COL18A1: variants seen among roughly 807,000 people sequenced by gnomAD.
COL18A1 encodes collagen type XVIII alpha 1 chain, also known as collagen alpha-1(XVIII) chain.
Under a neutral mutation model 168.0 loss-of-function variants are expected in COL18A1, and 133 were observed. That is an observed-to-expected ratio of 0.79 (90% CI 0.69 to 0.91). COL18A1 has a LOEUF of 0.91. COL18A1 is among the 40% of genes least tolerant of loss of function. COL18A1 has a pLI of 0.00. For missense variants in COL18A1, 2,126 were observed against 1,925.4 expected, an observed-to-expected ratio of 1.10 and a Z score of -1.95; for synonymous variants, 949 against 809.0, an observed-to-expected ratio of 1.17 and a Z score of -2.94.
At chr21:45,465,254 C>T (rs1339428800) in intron 2 of COL18A1, among the ~76,000 whole-genome samples, 2 of 152,216 alleles carry the variant, frequency 1.3e-5, no homozygotes, top group Non-Finnish European at 2.9e-5. Flanking sequence ...AGCCACCCCA[C>T]CTGTGCCTGG....
At chr21:45,447,048 G>C (rs536980945) in intron 2 of COL18A1, among the ~76,000 whole-genome samples, 31 of 152,302 alleles carry the variant, frequency 2.0e-4, no homozygotes, top group Admixed American at 1.2e-3. Context: ...TTCCTCCTAA[G>C]ATCAGGAGCA....
chr21:45,486,708 G>A (rs1199089481), intron 15 of COL18A1, 153 bp from the exon 16 acceptor site: 5 of 765,806 alleles, frequency 6.5e-6, no homozygotes, highest in Admixed American at 2.9e-5. Context: ...TTAGAAGAAA[G>A]GCTGCTGTGG....
intron 2 of COL18A1, among the ~76,000 whole-genome samples, chr21:45,453,556 C>T (rs774027738): frequency 2.0e-4 from 31 of 152,288 alleles, no homozygotes; most frequent in Middle Eastern, 6.8e-3. Context: ...ACTAGGATTT[C>T]CAGGAGGTTA....
intron 40 of COL18A1, among the ~76,000 whole-genome samples, chr21:45,510,573 C>T (rs1039549964): frequency 2.9e-4 from 44 of 152,192 alleles, no homozygotes; most frequent in Admixed American, 7.2e-4. Flanking sequence ...AGTGTCCACA[C>T]AGGTGATAGG....
intron 2 of COL18A1, among the ~76,000 whole-genome samples, chr21:45,458,730 G>A (rs1479307123): frequency 6.6e-6 from 1 of 152,256 alleles, no homozygotes; most frequent in Non-Finnish European, 1.5e-5. Flanking sequence ...CACGGAGGCA[G>A]ACAGGACAGC....
chr21:45,450,234 G>T (rs2034591012), intron 2 of COL18A1, among the ~76,000 whole-genome samples: 2 of 152,158 alleles, frequency 1.3e-5, no homozygotes, highest in Non-Finnish European at 2.9e-5. Context: ...GGACATTCTG[G>T]GCTCGGGCGA....
intron 32 of COL18A1, among the ~76,000 whole-genome samples, chr21:45,500,074 G>C (rs1258435736): frequency 7.0e-6 from 1 of 142,120 alleles, no homozygotes; most frequent in Non-Finnish European, 1.5e-5. Context: ...GTGTGGGTTT[G>C]GGTGTGTGTG....
At chr21:45,511,286 C>T (rs372572728) in intron 41 of COL18A1, 60 bp downstream of exon 41, 88 of 909,130 alleles carry the variant, frequency 9.7e-5, no homozygotes, top group East Asian at 2.6e-4. Flanking sequence ...GGCGGGCGGG[C>T]GGGCTCCTAT....
Position 45,511,067 on chromosome 21 carries a change from C to T in COL18A1, c.3694-44C>T, listed in dbSNP as rs369310776. On this transcript the variant is annotated intron_variant, in intron 40 of 41. Coordinates refer to ENST00000651438, the MANE Select transcript of COL18A1 (RefSeq NM_001379500.1). ...CCCCACAAACACCCACACCCATCCACACCCCCACACACCACACACACATAC... is the reference window on the plus strand; with the variant it reads ...CCCCACAAACACCCACACCCATCCATACCCCCACACACCACACACACATAC... 33 of 869,510 alleles carry T rather than the reference C, an allele frequency of 3.8e-5. 2 individuals are homozygous for T. Among genetic ancestry groups the T allele is most frequent in the Admixed American group, 7.2e-5 (3 of 41,464 alleles). 53.9% of individuals were successfully genotyped at this position (869,510 alleles called of 1,614,324 possible). A position where few individuals can be genotyped will look rare whatever the true frequency, so the allele number is the denominator to read the frequency against.
chr21:45,482,353 G>A (rs1158361839), intron 14 of COL18A1: 2 of 681,366 alleles, frequency 2.9e-6, no homozygotes, highest in South Asian at 2.8e-5. Context: ...AAGGAGCCGG[G>A]GCCCCAGGCG....
chr21:45,453,070 G>C (rs1192693583), intron 2 of COL18A1, among the ~76,000 whole-genome samples: 1 of 152,192 alleles, frequency 6.6e-6, no homozygotes, highest in East Asian at 1.9e-4. Flanking sequence ...GTGTGAGCTT[G>C]TGTATGCATG....
Position 45,498,427 on chromosome 21 carries a change from CGGTCCCCTCTCGCCGCCAG to C in COL18A1, c.2683+785_2683+803del, listed in dbSNP as rs767324140. ...CCGCCAGGGTCCCCTCTCGCCGCCACGGTCCCCTCTCGCCGCCAGGGTCCCCTCTCGCCGCCACGGTCCC... is the reference window on the plus strand; with the variant it reads ...CCGCCAGGGTCCCCTCTCGCCGCCACGGTCCCCTCTCGCCGCCACGGTCCC... On this transcript the variant is annotated intron_variant, in intron 32 of 41. Coordinates refer to ENST00000651438, the MANE Select transcript of COL18A1 (RefSeq NM_001379500.1). This position sits in a 1 kb window ranked among gnomAD's most constrained non-coding sequence, Gnocchi z 4.5. 52 of 647,404 alleles carry C rather than the reference CGGTCCCCTCTCGCCGCCAG, an allele frequency of 8.0e-5. 1 individual carries two copies. The highest frequency in any genetic ancestry group is 3.8e-4 in the South Asian group (25 of 65,474). 40.1% of individuals were successfully genotyped at this position (647,404 alleles called of 1,614,324 possible).
intron 2 of COL18A1, among the ~76,000 whole-genome samples, chr21:45,421,981 ACT>A (rs1197955487): frequency 6.6e-6 from 1 of 151,664 alleles, no homozygotes; most frequent in African/African-American, 2.4e-5. Flanking sequence ...ATGCCAACAC[ACT>A]CACACAGACA....
rs1010324557 is a variant in COL18A1 at position 45,423,571 on chromosome 21, C to T, written c.106+18098C>T. ...AGGTCGGCCTCTCTTGAATCCCAGC[C>T]TCCTCGGGGTCAGCCCAGGTTGTCC... is the stretch of plus-strand genomic sequence containing the variant. On this transcript the variant is annotated intron_variant, in intron 2 of 41. Coordinates refer to ENST00000651438, the MANE Select transcript of COL18A1 (RefSeq NM_001379500.1). This position sits in a 1 kb window ranked among gnomAD's most constrained non-coding sequence, Gnocchi z 4.0. Among the ~76,000 whole-genome samples, 9 of 152,082 alleles carry T rather than the reference C, an allele frequency of 5.9e-5. No individual in the cohort carries two copies. Among genetic ancestry groups the T allele is most frequent in the African/African-American group, 1.7e-4 (7 of 41,516 alleles).
At chr21:45,426,143 C>T (rs2033790973) in intron 2 of COL18A1, among the ~76,000 whole-genome samples, 2 of 152,028 alleles carry the variant, frequency 1.3e-5, no homozygotes, top group South Asian at 2.1e-4. Context: ...CTCGCTCTGT[C>T]GCCCAGGGTG....
intron 2 of COL18A1, chr21:45,419,698 G>C (rs1186077106): frequency 6.6e-6 from 1 of 152,260 alleles, no homozygotes; most frequent in East Asian, 1.9e-4. Flanking sequence ...CCACTTGGTT[G>C]CATTGTGAAA....
intron 15 of COL18A1, among the ~76,000 whole-genome samples, chr21:45,483,535 A>G (rs988184642): frequency 2.6e-5 from 4 of 152,174 alleles, no homozygotes; most frequent in Non-Finnish European, 5.9e-5. Context: ...AACCCTGCAG[A>G]GGAGGGGCTG....
chr21:45,408,297 C>T (rs1017846834), intron 2 of COL18A1, among the ~76,000 whole-genome samples: 46 of 152,374 alleles, frequency 3.0e-4, no homozygotes, highest in African/African-American at 9.6e-4. Context: ...TGCACATTCC[C>T]AGTCACGCGA....
At position 45,454,830 on chromosome 21, in the gene COL18A1, G is replaced by A. The variant is rs556816137; in HGVS notation, c.107-13412G>A. Among the ~76,000 whole-genome samples, 25 of 152,358 alleles carry A rather than the reference G, an allele frequency of 1.6e-4. No individual in the cohort carries two copies. The East Asian group carries it at 4.1e-3, about 25-fold the overall frequency. On this transcript the variant is annotated intron_variant, in intron 2 of 41. Transcript: ENST00000651438. Reference sequence around the variant, plus strand: ...ACGGGGAGACTGAGGCCGGGAAGGAGTATGCATTCCTGCCCTGGTCCCGGG... The same window carrying A: ...ACGGGGAGACTGAGGCCGGGAAGGAATATGCATTCCTGCCCTGGTCCCGGG...
Sources: allele counts gnomAD v4.1 joint callset (sites outside exome capture counted in the v4.1 genomes callset), GRCh38; gene constraint gnomAD v4.1.1; non-coding constraint Gnocchi (gnomAD v3.1); transcripts MANE v1.5; gene names NCBI Gene and HGNC (gene_info 2026-07-23, HGNC 2026-07-21).